The following POLR2H variants were observed in gnomAD, a reference collection of about 807,000 sequenced individuals.
POLR2H encodes the protein RNA polymerase II, I and III subunit H.
In POLR2H, 3 loss-of-function variants were observed where a neutral mutation model predicts 18.1. The observed-to-expected ratio is 0.17, with a 90% CI of 0.08 to 0.43. POLR2H has a LOEUF of 0.43. Ranked by LOEUF, POLR2H falls within the 20% of genes least tolerant of loss-of-function variation. The probability of loss-of-function intolerance (pLI) is 0.99; values close to 1 mark genes in which losing one functional copy is unlikely to be tolerated. For missense variants in POLR2H, 103 were observed against 184.6 expected, an observed-to-expected ratio of 0.56 and a Z score of 2.56; for synonymous variants, 76 against 69.0, an observed-to-expected ratio of 1.10 and a Z score of -0.50.
chr3:184,364,351 C>G (rs1206084205), intron 2 of POLR2H: 2 of 152,174 alleles, frequency 1.3e-5, no homozygotes, highest in Admixed American at 1.3e-4. Context: ...GCCTCAACCT[C>G]CCAAGTAGCT....
rs1350152026 is a variant in POLR2H, at chr3:184,368,567, A to G, written c.*273A>G. 9.1e-6 allele frequency: 3 copies of G among 330,274 alleles called. No individual in the cohort carries two copies. Among genetic ancestry groups the G allele is most frequent in the East Asian group, 5.2e-5 (1 of 19,344 alleles). The allele number at this position is 330,274 out of a possible 1,614,324, so 20.5% of individuals were successfully genotyped here. On this transcript the variant is annotated 3_prime_UTR_variant, in exon 6 of 6. Coordinates refer to ENST00000456318, the MANE Select transcript of POLR2H (RefSeq NM_006232.5). ...CCCCTCCCCTTTTTGTAAAAAGTCC[A>G]TTTACTGTAAAATCGTTTTTTCCAG...
chr3:184,368,192 C>T lies in POLR2H; in HGVS notation c.351C>T (p.Ser117=), dbSNP rs1305014489. 4.3e-6 allele frequency: 7 copies of T among 1,614,060 alleles called. No individual in the cohort carries two copies. The Admixed American group carries it at 1.0e-4, about 23-fold the overall frequency. ...TCTGTTTCAGCTCTGCGTACGTGTC[C>T]TATGGGGGCCTGCTCATGAGGCTGC... ...EAATRLSAYV[S]YGGLLMRLQG... is the part of the protein sequence containing the mutation. Residue 117 remains serine, a synonymous_variant, in exon 6 of 6, where the codon TCC becomes TCT. Transcript: ENST00000456318.
rs994004979 is a variant in POLR2H at position 184,362,561 on chromosome 3, A to T, written c.-620-312A>T. 1.3e-5 allele frequency: 2 copies of T among 152,604 alleles called. No individual in the cohort carries two copies. The highest frequency in any genetic ancestry group is 2.9e-5 in the Non-Finnish European group (2 of 68,736). 9.5% of individuals were successfully genotyped at this position (152,604 alleles called of 1,614,324 possible). A position where few individuals can be genotyped will look rare whatever the true frequency, so the allele number is the denominator to read the frequency against. On this transcript the variant is annotated intron_variant, in intron 1 of 5. Coordinates refer to ENST00000456318, the MANE Select transcript of POLR2H (RefSeq NM_006232.5). The surrounding 1 kb of genome is among the most constrained non-coding windows in gnomAD (Gnocchi z 5.9). ...TCAGGGGGCGGGAGCAGTGCCCGGG[A>T]AGGGGGGGCCTTGTGATAGAAGCCA...
rs528529592 is a variant in POLR2H at position 184,364,876 on chromosome 3, G to A, written c.74-90G>A. 9 of 837,518 alleles carry A rather than the reference G, an allele frequency of 1.1e-5. No individual in the cohort carries two copies. In the East Asian group the frequency reaches 1.9e-4, roughly 18 times the overall value. 51.9% of individuals were successfully genotyped at this position (837,518 alleles called of 1,614,324 possible). ...ATGAGAGACCACTGGATGTAGACTG[G>A]GTTAGATTGAGTATCCTGTTGCATA... On this transcript the variant is annotated intron_variant, in intron 2 of 5. Transcript: ENST00000456318.
At chr3:184,366,071 G>A (rs1220270683) in intron 4 of POLR2H, among the ~76,000 whole-genome samples, 1 of 152,190 alleles carries the variant, frequency 6.6e-6, no homozygotes, top group Non-Finnish European at 1.5e-5. Context: ...GAAGGCTGAG[G>A]AGGTAACTGC....
Position 184,363,362 on chromosome 3 carries a change from C to G in POLR2H, c.-131C>G, listed in dbSNP as rs1009893001. 12 of 753,638 alleles carry G rather than the reference C, an allele frequency of 1.6e-5. No homozygotes were observed. The highest frequency in any genetic ancestry group is 9.3e-6 in the Non-Finnish European group (4 of 428,038). The allele number at this position is 753,638 out of a possible 1,614,324, so 46.7% of individuals were successfully genotyped here. A position where few individuals can be genotyped will look rare whatever the true frequency, so the allele number is the denominator to read the frequency against. On this transcript the variant is annotated 5_prime_UTR_variant, in exon 2 of 6. Transcript: ENST00000456318. The stretch of plus-strand genomic sequence containing the variant: ...ACCGCTTGTTTGTGCGCATGCGCCA[C>G]TCTCGTCTGGCCGCCGCGCTTTCAG...
intron 4 of POLR2H, among the ~76,000 whole-genome samples, chr3:184,366,137 A>G (rs1468109315): frequency 1.3e-5 from 2 of 151,976 alleles, no homozygotes; most frequent in African/African-American, 4.8e-5. Context: ...GGTGTGATGG[A>G]AAGACTTTGG....
intron 4 of POLR2H, 158 bp from the exon 5 acceptor site, chr3:184,366,559 C>T (rs564342899): frequency 3.2e-5 from 16 of 496,860 alleles, no homozygotes; most frequent in Admixed American, 2.2e-4. Context: ...AGGATGGTCT[C>T]GATCTCCTGA....
intron 2 of POLR2H, 100 bp from the exon 3 acceptor site, chr3:184,364,866 A>C: frequency 1.3e-6 from 1 of 774,102 alleles, no homozygotes; most frequent in Non-Finnish European, 2.3e-6. Context: ...AGACCACTGG[A>C]TGTAGACTGG....
At chr3:184,364,909 A>G in intron 2 of POLR2H, 57 bp from the exon 3 acceptor site, 2 of 1,171,340 alleles carry the variant, frequency 1.7e-6, no homozygotes, top group Non-Finnish European at 1.3e-6. Flanking sequence ...ATACAATCCC[A>G]CACTGTAGGA....
In POLR2H at chr3:184,365,246, A is replaced by G; in HGVS notation, c.251+20A>G. On this transcript the variant is annotated intron_variant, in intron 4 of 5. Coordinates refer to ENST00000456318, the MANE Select transcript of POLR2H (RefSeq NM_006232.5). ...TTCCAGGTGAGGGAGTGGAGAAGGT[A>G]ATACTTGAAATATGCCTTGAGGACT... 7.4e-7 allele frequency: 1 copy of G among 1,357,616 alleles called. No individual in the cohort carries two copies. The highest frequency in any genetic ancestry group is 1.1e-6 in the Non-Finnish European group (1 of 945,916). 84.1% of individuals were successfully genotyped at this position (1,357,616 alleles called of 1,614,324 possible).
At position 184,365,124 on chromosome 3, in the gene POLR2H, TATTTTC is replaced by T; in HGVS notation, c.158-7_158-2del. 1 of 1,607,188 alleles carries T rather than the reference TATTTTC, an allele frequency of 6.2e-7. No individual in the cohort carries two copies. Among genetic ancestry groups the T allele is most frequent in the Non-Finnish European group, 8.5e-7 (1 of 1,173,638 alleles). Reference sequence around the variant, plus strand: ...ATTCTTTACTCTCTGATATTGCTGTTATTTTCAGGTGACAAGTTTCGGTTGGTCATA... The same window carrying T: ...ATTCTTTACTCTCTGATATTGCTGTTAGGTGACAAGTTTCGGTTGGTCATA... On this transcript the variant is annotated splice_region_variant and splice_polypyrimidine_tract_variant and intron_variant, in intron 3 of 5. Transcript: ENST00000456318.
At chr3:184,363,732 C>T (rs1048835550) in intron 2 of POLR2H, among the ~76,000 whole-genome samples, 167 bp downstream of exon 2, 2 of 152,150 alleles carry the variant, frequency 1.3e-5, no homozygotes, top group African/African-American at 4.8e-5. Flanking sequence ...GACTCCCGAG[C>T]TCTCTCTGGC....
Position 184,365,185 on chromosome 3 carries a change from G to A in POLR2H, c.210G>A (p.Leu70=). The A allele has an allele frequency of 6.2e-7, 1 of 1,613,644 alleles. No individual in the cohort carries two copies. The highest frequency in any genetic ancestry group is 8.5e-7 in the Non-Finnish European group (1 of 1,179,518). Residue 70 remains leucine (L), a synonymous_variant, in exon 4 of 6, where the codon CTG becomes CTA. Transcript: ENST00000456318. The part of the protein sequence containing the change: ...IASTLYEDGT[L]DDGEYNPTDD... ...GTACCTTGTATGAAGATGGTACCCT[G>A]GATGATGGTGAATACAACCCCACTG... is the stretch of plus-strand genomic sequence containing the variant.
chr3:184,367,473 T>C (rs994366393), intron 5 of POLR2H, among the ~76,000 whole-genome samples: 5 of 143,704 alleles, frequency 3.5e-5, no homozygotes, highest in African/African-American at 7.6e-5. Flanking sequence ...AGTGTAAAGC[T>C]TTTCTTTTCT....
In POLR2H at chr3:184,365,233, G is replaced by T. The variant is rs1713030172; in HGVS notation, c.251+7G>T. 2.0e-6 allele frequency: 3 copies of T among 1,533,238 alleles called. No individual in the cohort carries two copies. Among genetic ancestry groups the T allele is most frequent in the Non-Finnish European group, 2.7e-6 (3 of 1,106,330 alleles). 95.0% of individuals were successfully genotyped at this position (1,533,238 alleles called of 1,614,324 possible). On this transcript the variant is annotated splice_region_variant and intron_variant, in intron 4 of 5. Transcript: ENST00000456318. ...CTGATGATAGGCCTTCCAGGTGAGG[G>T]AGTGGAGAAGGTAATACTTGAAATA...
intron 4 of POLR2H, among the ~76,000 whole-genome samples, chr3:184,366,204 C>G (rs944263831): frequency 6.6e-6 from 1 of 152,090 alleles, no homozygotes; most frequent in Non-Finnish European, 1.5e-5. Context: ...TAACCTTAAT[C>G]TCCTTCAGCC....
In POLR2H at chr3:184,363,301, C is replaced by A. The variant is rs768214317; in HGVS notation, c.-192C>A. 2.9e-4 allele frequency: 181 copies of A among 631,272 alleles called. No homozygotes were observed. Among genetic ancestry groups the A allele is most frequent in the Middle Eastern group, 1.6e-3 (4 of 2,450 alleles). The allele number at this position is 631,272 out of a possible 1,614,324, so 39.1% of individuals were successfully genotyped here. A position where few individuals can be genotyped will look rare whatever the true frequency, so the allele number is the denominator to read the frequency against. On this transcript the variant is annotated 5_prime_UTR_variant, in exon 2 of 6. Transcript: ENST00000456318. Reference sequence around the variant, plus strand: ...ATCTTTCGGGACGGAAGTTAAGTAGCCCCGAGCGGGAGGCTGTGGCGGAAG... The same window carrying A: ...ATCTTTCGGGACGGAAGTTAAGTAGACCCGAGCGGGAGGCTGTGGCGGAAG...
rs1713632484 is a variant in POLR2H, at chr3:184,368,035, A to G, written c.336-142A>G. The G allele has an allele frequency of 3.4e-6, 4 of 1,178,982 alleles. No individual in the cohort carries two copies. The East Asian group carries it at 7.8e-5, about 23-fold the overall frequency. The allele number at this position is 1,178,982 out of a possible 1,614,324, so 73.0% of individuals were successfully genotyped here. On this transcript the variant is annotated intron_variant, in intron 5 of 5. Coordinates refer to ENST00000456318, the MANE Select transcript of POLR2H (RefSeq NM_006232.5). Reference sequence around the variant, plus strand: ...GCTGAGATGGAACAGTGCCTTGCACATACCTGTGCATTGATCTTTGTCAGA... The same window carrying G: ...GCTGAGATGGAACAGTGCCTTGCACGTACCTGTGCATTGATCTTTGTCAGA...
Sources: allele counts gnomAD v4.1 joint callset (sites outside exome capture counted in the v4.1 genomes callset), GRCh38; gene constraint gnomAD v4.1.1; non-coding constraint Gnocchi (gnomAD v3.1); transcripts MANE v1.5; gene names NCBI Gene and HGNC (gene_info 2026-07-23, HGNC 2026-07-21).